Variants in ZNF804B observed in about 807,000 individuals in gnomAD.
ZNF804B encodes zinc finger protein 804B, also known as zinc finger 804B.
A neutral mutation model predicts 101.4 loss-of-function variants in ZNF804B; 80 were observed. The ratio of observed to expected loss-of-function variants is 0.79; its 90% CI spans 0.66 to 0.95. ZNF804B has a LOEUF of 0.95. ZNF804B is among the 40% of genes least tolerant of loss of function. The pLI is 0.00. For missense variants in ZNF804B, 1,673 were observed against 1,561.9 expected (o/e 1.07, Z -1.20); for synonymous variants, 622 against 558.8 (o/e 1.11, Z -1.59).
intron 1 of ZNF804B, among the ~76,000 whole-genome samples, chr7:89,145,934 CT>C (rs1584014064): frequency 6.6e-6 from 1 of 151,992 alleles, no homozygotes; most frequent in Non-Finnish European, 1.5e-5. Flanking sequence ...CAATTCTGTG[CT>C]GCATTAGCTA....
intron 1 of ZNF804B, among the ~76,000 whole-genome samples, chr7:89,216,902 ATT>A (rs1241968472): frequency 6.6e-5 from 10 of 152,250 alleles, no homozygotes; most frequent in Non-Finnish European, 1.2e-4. Flanking sequence ...CTTTATACAT[ATT>A]TACTTGGTAT....
At chr7:89,275,759 C>A (rs1789970499) in intron 2 of ZNF804B, among the ~76,000 whole-genome samples, 1 of 151,828 alleles carries the variant, frequency 6.6e-6, no homozygotes, top group Non-Finnish European at 1.5e-5. Flanking sequence ...TACTTATGAA[C>A]TTTTTATTTT....
chr7:89,092,144 A>G (rs1269056064), intron 1 of ZNF804B, among the ~76,000 whole-genome samples: 1 of 151,718 alleles, frequency 6.6e-6, no homozygotes. Flanking sequence ...TTTCCTGGTT[A>G]TTAGATGGTG....
At chr7:89,077,926 T>C (rs1008619006) in intron 1 of ZNF804B, among the ~76,000 whole-genome samples, 1 of 152,058 alleles carries the variant, frequency 6.6e-6, no homozygotes, top group Non-Finnish European at 1.5e-5. Context: ...ATTATTGTGC[T>C]CACTCTTATT....
intron 1 of ZNF804B, among the ~76,000 whole-genome samples, chr7:88,966,761 T>C (rs1001765431): frequency 8.6e-5 from 13 of 150,624 alleles, no homozygotes; most frequent in African/African-American, 3.2e-4. Flanking sequence ...CACACATACA[T>C]ACACACACAC....
intron 1 of ZNF804B, among the ~76,000 whole-genome samples, chr7:88,784,527 G>A (rs1296116968): frequency 6.6e-6 from 1 of 152,008 alleles, no homozygotes; most frequent in African/African-American, 2.4e-5. Context: ...CAACCTCACT[G>A]GAAACCAGAA....
At chr7:88,996,551 T>A (rs1788201476) in intron 1 of ZNF804B, among the ~76,000 whole-genome samples, 1 of 152,078 alleles carries the variant, frequency 6.6e-6, no homozygotes, top group African/African-American at 2.4e-5. Context: ...TGTACTTGAA[T>A]CTTGAATCAT....
At chr7:89,321,284 T>C (rs1790816012) in intron 2 of ZNF804B, among the ~76,000 whole-genome samples, 1 of 152,034 alleles carries the variant, frequency 6.6e-6, no homozygotes, top group Non-Finnish European at 1.5e-5. Context: ...ATCGAGACTG[T>C]CCTGGCTAAC....
intron 1 of ZNF804B, among the ~76,000 whole-genome samples, chr7:88,845,955 G>C (rs2115817042): frequency 6.6e-6 from 1 of 152,282 alleles, no homozygotes; most frequent in South Asian, 2.1e-4. Flanking sequence ...AAAAAGGAAA[G>C]AAAAGGGGAG....
At chr7:89,076,608 A>G (rs573172656) in intron 1 of ZNF804B, among the ~76,000 whole-genome samples, 46 of 152,344 alleles carry the variant, frequency 3.0e-4, no homozygotes, top group African/African-American at 1.1e-3. Context: ...GTCAAATAAT[A>G]CAACCAGTTA....
intron 1 of ZNF804B, among the ~76,000 whole-genome samples, chr7:89,202,015 G>C (rs1012662695): frequency 6.6e-6 from 1 of 151,796 alleles, no homozygotes; most frequent in Non-Finnish European, 1.5e-5. Flanking sequence ...GTTGTCCTTT[G>C]TATCTTATGA....
At chr7:89,185,386 G>A (rs1788360634) in intron 1 of ZNF804B, among the ~76,000 whole-genome samples, 1 of 152,124 alleles carries the variant, frequency 6.6e-6, no homozygotes, top group South Asian at 2.1e-4. Flanking sequence ...TGACCATGAA[G>A]TTTCACTGTT....
intron 1 of ZNF804B, among the ~76,000 whole-genome samples, chr7:89,193,494 G>C (rs1225755100): frequency 7.9e-6 from 1 of 125,992 alleles, no homozygotes; most frequent in African/African-American, 3.1e-5. Context: ...CCCAGAGTGT[G>C]ATGTTCCCCT....
At position 88,815,186 on chromosome 7, in the gene ZNF804B, AAT is replaced by A. The variant is rs746669059; in HGVS notation, c.108+55109_108+55110del. The stretch of plus-strand genomic sequence containing the variant: ...ATGTTATATATAATAAAATATATAA[AAT>A]ATATATTTTTATATATTCTCTATAT... On this transcript the variant is annotated intron_variant, in intron 1 of 3. Transcript: ENST00000333190. Among the ~76,000 whole-genome samples the A allele has an allele frequency of 2.6e-3, 390 of 147,804 alleles. 2 individuals are homozygous for A. The highest frequency in any genetic ancestry group is 4.7e-3 in the Admixed American group (69 of 14,716).
chr7:89,328,325 T>C (rs1466333659), intron 3 of ZNF804B, among the ~76,000 whole-genome samples: 2 of 151,920 alleles, frequency 1.3e-5, no homozygotes, highest in East Asian at 3.9e-4. Context: ...TGAGTAAAAA[T>C]GCAATTAATA....
intron 1 of ZNF804B, among the ~76,000 whole-genome samples, chr7:89,035,968 A>ACC (rs1788920587): frequency 6.9e-6 from 1 of 145,176 alleles, no homozygotes; most frequent in Non-Finnish European, 1.5e-5. Flanking sequence ...TACAATACAT[A>ACC]TTATATATTG....
At chr7:89,300,022 C>T (rs755635589) in intron 2 of ZNF804B, among the ~76,000 whole-genome samples, 1 of 151,518 alleles carries the variant, frequency 6.6e-6, no homozygotes, top group Non-Finnish European at 1.5e-5. Flanking sequence ...CTCCATGTTG[C>T]CTCTCATTTT....
chr7:88,794,093 T>G, intron 1 of ZNF804B: 1 of 1,095,892 alleles, frequency 9.1e-7, no homozygotes, highest in Non-Finnish European at 1.3e-6. Context: ...CTGTTTCTTT[T>G]AAAAGACACC....
At chr7:89,192,874 C>G (rs1017347687) in intron 1 of ZNF804B, among the ~76,000 whole-genome samples, 1 of 152,066 alleles carries the variant, frequency 6.6e-6, no homozygotes, top group African/African-American at 2.4e-5. Flanking sequence ...CATGATTAAT[C>G]ACATAAACAG....
Sources: gnomAD v4.1 joint callset for allele counts (sites outside exome capture counted in the v4.1 genomes callset) on GRCh38, gnomAD v4.1.1 for gene constraint, MANE v1.5 for transcripts, NCBI Gene and HGNC (gene_info 2026-07-23, HGNC 2026-07-21) for gene names.